Variants in ROR1 observed in about 807,000 individuals in gnomAD.
ROR1 encodes inactive tyrosine-protein kinase transmembrane receptor ROR1.
ROR1 carries 19 observed loss-of-function variants against 78.8 expected under a neutral mutation model. That is an observed-to-expected ratio of 0.24 (90% CI 0.17 to 0.35). ROR1 has a LOEUF of 0.35. Ranked by LOEUF, ROR1 falls within the 10% of genes least tolerant of loss-of-function variation. ROR1 has a pLI of 1.00. For synonymous variants in ROR1, 386 were observed against 433.6 expected (o/e 0.89, Z 1.36); for missense variants, 917 against 1,177.8 (o/e 0.78, Z 3.24).
chr1:64,071,575 C>CCACACACACACA (rs1647004171), intron 4 of ROR1, among the ~76,000 whole-genome samples: 2 of 149,242 alleles, frequency 1.3e-5, no homozygotes, highest in African/African-American at 5.1e-5. Flanking sequence ...GCCCCACCAC[C>CCACACACACACA]CACACAGACA....
chr1:63,930,056 G>A (rs1313594100), intron 1 of ROR1, among the ~76,000 whole-genome samples: 1 of 152,078 alleles, frequency 6.6e-6, no homozygotes, highest in African/African-American at 2.4e-5. Context: ...ATGGTTGTTT[G>A]CTGCACCCAT....
intron 1 of ROR1, among the ~76,000 whole-genome samples, chr1:63,863,747 T>TATTGTATTGTATTGC (rs1160764709): frequency 6.8e-6 from 1 of 146,144 alleles, no homozygotes; most frequent in East Asian, 2.0e-4. Flanking sequence ...TATTGTATTG[T>TATTGTATTGTATTGC]ATTGTATTGT....
chr1:64,072,209 T>C (rs1402364218), intron 4 of ROR1, among the ~76,000 whole-genome samples: 1 of 152,230 alleles, frequency 6.6e-6, no homozygotes, highest in African/African-American at 2.4e-5. Flanking sequence ...TCATGAGAGA[T>C]AATTTGTGTC....
At position 64,142,646 on chromosome 1, in the gene ROR1, G is replaced by T. The variant is rs2762833; in HGVS notation, c.1170G>T (p.Ala390=). ...AGTCTGATCTGTGTGACATCCCAGC[G>T]TGCGGTAAATAGAAGTCATTGCCCC... ...NFKSDLCDIP[A]CDSKDSKEKN... The change falls in exon 7 of 9, where the codon GCG becomes GCT. Residue 390 remains alanine, a synonymous_variant. Coordinates refer to ENST00000371079, the MANE Select transcript of ROR1 (RefSeq NM_005012.4). 1 allele frequency: 1,614,100 copies of T among 1,614,100 alleles called. 807,050 individuals carry two copies. Among genetic ancestry groups the T allele is most frequent in the Non-Finnish European group, 1 (1,179,976 of 1,179,976 alleles).
chr1:63,803,845 T>C (rs2100258865), intron 1 of ROR1, among the ~76,000 whole-genome samples: 1 of 152,234 alleles, frequency 6.6e-6, no homozygotes. Context: ...GCTACATCCA[T>C]ACCGTGGAAT....
At chr1:64,157,646 T>C (rs1044604984) in intron 7 of ROR1, among the ~76,000 whole-genome samples, 6 of 152,218 alleles carry the variant, frequency 3.9e-5, no homozygotes, top group African/African-American at 1.4e-4. Context: ...CATTTACATG[T>C]ACTAGGGTAA....
chr1:64,093,568 C>G (rs533454394), intron 4 of ROR1, among the ~76,000 whole-genome samples: 1 of 152,006 alleles, frequency 6.6e-6, no homozygotes. Flanking sequence ...TATCCTCCCC[C>G]CATACTACCT....
chr1:63,858,385 T>A (rs1439649486), intron 1 of ROR1, among the ~76,000 whole-genome samples: 1 of 152,208 alleles, frequency 6.6e-6, no homozygotes, highest in Non-Finnish European at 1.5e-5. Flanking sequence ...GCACTTTGCA[T>A]TAGTTAAGTA....
At chr1:63,893,297 C>T (rs1242043763) in intron 1 of ROR1, among the ~76,000 whole-genome samples, 1 of 152,018 alleles carries the variant, frequency 6.6e-6, no homozygotes, top group African/African-American at 2.4e-5. Context: ...CTCACAGTCC[C>T]CAGCTTAGGG....
At chr1:64,112,495 G>A (rs989595599) in intron 4 of ROR1, among the ~76,000 whole-genome samples, 2 of 152,110 alleles carry the variant, frequency 1.3e-5, no homozygotes, top group African/African-American at 4.8e-5. Flanking sequence ...CCTGGACTTG[G>A]GAGATCTGTA....
chr1:63,870,179 G>A (rs1369377758), intron 1 of ROR1, among the ~76,000 whole-genome samples: 1 of 152,084 alleles, frequency 6.6e-6, no homozygotes, highest in Non-Finnish European at 1.5e-5. Context: ...ATACCATTGG[G>A]TGTTCTGTTC....
intron 1 of ROR1, among the ~76,000 whole-genome samples, chr1:63,857,195 A>C (rs780850619): frequency 6.6e-6 from 1 of 151,190 alleles, no homozygotes; most frequent in Non-Finnish European, 1.5e-5. Flanking sequence ...TTAGATATGC[A>C]TCTTCATATA....
intron 1 of ROR1, among the ~76,000 whole-genome samples, chr1:63,927,779 G>C (rs1405914115): frequency 6.6e-6 from 1 of 152,090 alleles, no homozygotes; most frequent in African/African-American, 2.4e-5. Flanking sequence ...GCAATCATGA[G>C]GAATTTAAGT....
At chr1:64,085,729 A>G (rs1647147134) in intron 4 of ROR1, among the ~76,000 whole-genome samples, 1 of 152,148 alleles carries the variant, frequency 6.6e-6, no homozygotes, top group African/African-American at 2.4e-5. Context: ...TCCCTGCAAA[A>G]TCATTAAGAA....
chr1:64,132,611 T>C (rs1456340296), intron 4 of ROR1, among the ~76,000 whole-genome samples: 1 of 151,734 alleles, frequency 6.6e-6, no homozygotes, highest in Non-Finnish European at 1.5e-5. Flanking sequence ...AATACAAAAA[T>C]TAGCCAGGCA....
At chr1:64,039,796 C>G (rs1646732067) in intron 2 of ROR1, among the ~76,000 whole-genome samples, 2 of 152,148 alleles carry the variant, frequency 1.3e-5, no homozygotes, top group South Asian at 4.1e-4. Flanking sequence ...ATTCTATCTC[C>G]AGTCATGTAA....
intron 1 of ROR1, chr1:63,843,503 C>T: frequency 1.3e-6 from 1 of 755,320 alleles, no homozygotes; most frequent in Non-Finnish European, 2.4e-6. Context: ...CGTCGATGGT[C>T]TGGCTCACAT....
At chr1:64,010,875 T>C (rs1227167046) in intron 2 of ROR1, among the ~76,000 whole-genome samples, 2 of 152,148 alleles carry the variant, frequency 1.3e-5, no homozygotes, top group Admixed American at 6.5e-5. Context: ...TCTGTCATGA[T>C]TGTAACTTTC....
intron 1 of ROR1, among the ~76,000 whole-genome samples, chr1:63,839,060 A>G (rs1266502532): frequency 6.6e-6 from 1 of 152,226 alleles, no homozygotes; most frequent in African/African-American, 2.4e-5. Flanking sequence ...TCACATGACA[A>G]CAAGCATATC....
Sources: gnomAD v4.1 joint callset for allele counts (sites outside exome capture counted in the v4.1 genomes callset) on GRCh38, gnomAD v4.1.1 for gene constraint, MANE v1.5 for transcripts, NCBI Gene and HGNC (gene_info 2026-07-23, HGNC 2026-07-21) for gene names.